AUTS2: variants seen among roughly 807,000 people sequenced by gnomAD.
AUTS2 encodes the protein activator of transcription and developmental regulator AUTS2.
In AUTS2, 17 loss-of-function variants were observed where a neutral mutation model predicts 112.4. The observed-to-expected ratio is 0.15, with a 90% confidence interval of 0.10 to 0.23. AUTS2 has a LOEUF of 0.23. Among genes scored for constraint, AUTS2 ranks in the 10% least tolerant of loss-of-function variants. The probability of loss-of-function intolerance (pLI) is 1.00; values close to 1 mark genes in which losing one functional copy is unlikely to be tolerated. For missense variants in AUTS2, 1,510 were observed against 1,701.6 expected (o/e 0.89, Z 1.98); for synonymous variants, 751 against 702.7 (o/e 1.07, Z -1.09).
At chr7:69,847,346 T>C (rs1408429486) in intron 1 of AUTS2, among the ~76,000 whole-genome samples, 1 of 152,216 alleles carries the variant, frequency 6.6e-6, no homozygotes, top group Non-Finnish European at 1.5e-5. Flanking sequence ...CACAAAGTCA[T>C]ATGGTAAATG....
intron 1 of AUTS2, among the ~76,000 whole-genome samples, chr7:69,727,829 G>T (rs951182983): frequency 1.3e-5 from 2 of 151,990 alleles, no homozygotes; most frequent in African/African-American, 2.4e-5. Flanking sequence ...TTTATATAAG[G>T]TTTAGAATCA....
intron 1 of AUTS2, among the ~76,000 whole-genome samples, chr7:69,634,942 A>G (rs1017529135): frequency 9.2e-5 from 14 of 152,170 alleles, no homozygotes; most frequent in Admixed American, 5.2e-4. Flanking sequence ...GTGATTTTTC[A>G]GGGCAAAATG....
chr7:69,735,653 A>G (rs1786996231), intron 1 of AUTS2, among the ~76,000 whole-genome samples: 1 of 152,182 alleles, frequency 6.6e-6, no homozygotes, highest in Non-Finnish European at 1.5e-5. Context: ...CCTTAGCCAG[A>G]AGCCTTGGGC....
At chr7:70,210,920 C>T (rs1444408885) in intron 4 of AUTS2, among the ~76,000 whole-genome samples, 1 of 152,140 alleles carries the variant, frequency 6.6e-6, no homozygotes, top group Non-Finnish European at 1.5e-5. Flanking sequence ...TATCTTTTAC[C>T]TCCTTGGTGA....
At chr7:69,747,601 G>T (rs189704274) in intron 1 of AUTS2, among the ~76,000 whole-genome samples, 1 of 152,140 alleles carries the variant, frequency 6.6e-6, no homozygotes, top group Non-Finnish European at 1.5e-5. Context: ...TCATGATCAC[G>T]CAACTAGAAG....
At chr7:70,602,345 G>A (rs1046901720) in intron 5 of AUTS2, among the ~76,000 whole-genome samples, 1 of 152,182 alleles carries the variant, frequency 6.6e-6, no homozygotes, top group Non-Finnish European at 1.5e-5. Context: ...ACTGTAGCAT[G>A]ATCAGGACCT....
chr7:70,334,027 G>A (rs1352553518), intron 4 of AUTS2, among the ~76,000 whole-genome samples: 1 of 152,084 alleles, frequency 6.6e-6, no homozygotes, highest in Non-Finnish European at 1.5e-5. Context: ...AATTTTATTA[G>A]CTTTGGATTT....
At chr7:70,443,618 G>A in intron 5 of AUTS2, among the ~76,000 whole-genome samples, 1 of 152,188 alleles carries the variant, frequency 6.6e-6, no homozygotes, top group Non-Finnish European at 1.5e-5. Context: ...TCGGGTATAT[G>A]TGTGTGTACT....
intron 5 of AUTS2, among the ~76,000 whole-genome samples, chr7:70,496,270 G>T (rs368753333): frequency 9.4e-6 from 1 of 106,404 alleles, no homozygotes; most frequent in Non-Finnish European, 1.9e-5. Flanking sequence ...ACATGCACAC[G>T]TCACATCAGC....
At chr7:69,706,958 A>G (rs939412247) in intron 1 of AUTS2, among the ~76,000 whole-genome samples, 3 of 152,218 alleles carry the variant, frequency 2.0e-5, no homozygotes, top group African/African-American at 7.2e-5. Context: ...CAGGAAACCA[A>G]CGTAAAAAGT....
At chr7:70,643,462 C>T (rs148553561) in intron 5 of AUTS2, among the ~76,000 whole-genome samples, 3 of 152,064 alleles carry the variant, frequency 2.0e-5, no homozygotes, top group African/African-American at 7.2e-5. Flanking sequence ...TCCCAGCTAC[C>T]CAGGAGGCTG....
intron 5 of AUTS2, among the ~76,000 whole-genome samples, chr7:70,572,964 T>A (rs1170596898): frequency 6.6e-6 from 1 of 152,200 alleles, no homozygotes; most frequent in Non-Finnish European, 1.5e-5. Flanking sequence ...TGAAGGGAAA[T>A]CAATTAAAAA....
intron 5 of AUTS2, among the ~76,000 whole-genome samples, chr7:70,469,377 C>T (rs1330049559): frequency 6.6e-6 from 1 of 152,156 alleles, no homozygotes; most frequent in African/African-American, 2.4e-5. Context: ...TAAAGAGAAG[C>T]TGGTAGATAC....
chr7:70,475,359 T>C (rs1797542362), intron 5 of AUTS2, among the ~76,000 whole-genome samples: 2 of 152,172 alleles, frequency 1.3e-5, no homozygotes, highest in African/African-American at 4.8e-5. Context: ...CCAGAAGTGA[T>C]CTTTCTCTTT....
chr7:70,636,977 T>A (rs1805566695), intron 5 of AUTS2, among the ~76,000 whole-genome samples: 1 of 152,200 alleles, frequency 6.6e-6, no homozygotes, highest in South Asian at 2.1e-4. Flanking sequence ...ATTTTGCATG[T>A]AAGATGGCAT....
At chr7:70,641,856 A>G (rs921698034) in intron 5 of AUTS2, among the ~76,000 whole-genome samples, 5 of 152,260 alleles carry the variant, frequency 3.3e-5, no homozygotes, top group African/African-American at 1.2e-4. Context: ...CATTTTTAGA[A>G]TCTGGCCTTG....
At chr7:69,613,237 C>A (rs973168169) in intron 1 of AUTS2, among the ~76,000 whole-genome samples, 1 of 152,116 alleles carries the variant, frequency 6.6e-6, no homozygotes, top group Non-Finnish European at 1.5e-5. Flanking sequence ...CTCTAGTAGA[C>A]CACATTTGTT....
At chr7:70,547,918 A>G (rs923177720) in intron 5 of AUTS2, among the ~76,000 whole-genome samples, 1 of 152,086 alleles carries the variant, frequency 6.6e-6, no homozygotes, top group South Asian at 2.1e-4. Context: ...ACATTTCCCC[A>G]GTAATTTAGG....
rs1470163133 is a variant in AUTS2, at chr7:70,245,142, GTGTATATATA to G, written c.660+110573_660+110582del. Among the ~76,000 whole-genome samples the G allele has an allele frequency of 2.0e-3, 141 of 72,234 alleles. 3 individuals carry two copies. Among genetic ancestry groups the G allele is most frequent in the African/African-American group, 7.3e-3 (132 of 18,176 alleles). The allele number at this position is 72,234 out of a possible 152,430, so 47.4% of individuals were successfully genotyped here. On this transcript the variant is annotated intron_variant, in intron 4 of 18. Transcript: ENST00000342771. ...CTCAAAAAAAAAAAAAAGTGTGTGT[GTGTATATATA>G]TATATATATATATATATAAAAAATA...
Sources: gnomAD v4.1 joint callset for allele counts (sites outside exome capture counted in the v4.1 genomes callset) on GRCh38, gnomAD v4.1.1 for gene constraint, MANE v1.5 for transcripts, NCBI Gene and HGNC (gene_info 2026-07-23, HGNC 2026-07-21) for gene names.